TOP3A: variants seen among roughly 807,000 people sequenced by gnomAD.
TOP3A encodes the protein DNA topoisomerase III alpha, also known as DNA topoisomerase 3-alpha.
A neutral mutation model predicts 111.3 loss-of-function variants in TOP3A; 64 were observed. The observed-to-expected ratio is 0.57, with a 90% CI of 0.47 to 0.71. TOP3A has a LOEUF of 0.71. TOP3A is among the 30% of genes least tolerant of loss of function. TOP3A has a pLI of 0.00. For missense variants in TOP3A, 1,104 were observed against 1,285.0 expected (o/e 0.86, Z 2.15); for synonymous variants, 484 against 485.1 (o/e 1.00, Z 0.03).
rs1191373935 is a variant in TOP3A at position 18,273,146 on chromosome 17, AAC to A, written c.*1654_*1655del. ...AAAATCCTCCCCAATACCCCATCAG[AAC>A]ACAGAGCCACTGGTCTATGGGCCAG... On this transcript the variant is annotated 3_prime_UTR_variant, in exon 19 of 19. Coordinates refer to ENST00000321105, the MANE Select transcript of TOP3A (RefSeq NM_004618.5). The A allele has an allele frequency of 6.6e-6, 1 of 152,202 alleles. No individual in the cohort carries two copies. Among genetic ancestry groups the A allele is most frequent in the Non-Finnish European group, 1.5e-5 (1 of 68,042 alleles). The allele number at this position is 152,202 out of a possible 1,614,324, so 9.4% of individuals were successfully genotyped here.
chr17:18,276,226 G>T (rs959286010), intron 18 of TOP3A, among the ~76,000 whole-genome samples: 1 of 152,106 alleles, frequency 6.6e-6, no homozygotes, highest in Non-Finnish European at 1.5e-5. Flanking sequence ...GGCAACCTGC[G>T]GCCCACCTCC....
intron 18 of TOP3A, among the ~76,000 whole-genome samples, chr17:18,276,964 T>A (rs973425127): frequency 5.3e-5 from 8 of 152,076 alleles, no homozygotes; most frequent in African/African-American, 1.9e-4. Context: ...GGCAGGTGGA[T>A]CACCTGAGGT....
chr17:18,281,364 A>T (rs1979746125), intron 16 of TOP3A, among the ~76,000 whole-genome samples: 1 of 152,206 alleles, frequency 6.6e-6, no homozygotes, highest in Non-Finnish European at 1.5e-5. Context: ...ATCCCACAAG[A>T]TAATCTCCTG....
intron 9 of TOP3A, among the ~76,000 whole-genome samples, chr17:18,295,738 C>T (rs974615412): frequency 3.3e-5 from 5 of 150,884 alleles, no homozygotes; most frequent in Non-Finnish European, 5.9e-5. Flanking sequence ...TGATTACAGG[C>T]GTGAGCCACC....
chr17:18,302,619 C>G lies in TOP3A; in HGVS notation c.604G>C (p.Asp202His), dbSNP rs117856165. The G allele has an allele frequency of 3.1e-6, 5 of 1,614,206 alleles. No homozygotes were observed. Among genetic ancestry groups the G allele is most frequent in the African/African-American group, 1.3e-5 (1 of 75,064 alleles). The change falls in exon 6 of 19, where the codon GAT becomes CAT. Residue 202 changes from aspartate to histidine, a missense_variant. By Grantham distance (81) the Asp-to-His change is moderately conservative. Coordinates refer to ENST00000321105, the MANE Select transcript of TOP3A (RefSeq NM_004618.5). The part of the protein sequence containing the change: ...NLTEPDQRVS[D>H]AVDVRQELDL... The stretch of plus-strand genomic sequence containing the variant: ...AGCTCCTGCCTCACATCCACAGCAT[C>G]GCTCACCCTCTGATCAGGCTCGGTC...
chr17:18,293,877 G>A (rs1400731749), intron 10 of TOP3A, among the ~76,000 whole-genome samples: 1 of 152,342 alleles, frequency 6.6e-6, no homozygotes, highest in African/African-American at 2.4e-5. Context: ...TTACAGGCGT[G>A]AGCCACCACG....
Position 18,282,951 on chromosome 17 carries a change from T to G in TOP3A, c.1878-110A>C. On this transcript the variant is annotated intron_variant, in intron 15 of 18. Transcript: ENST00000321105. The stretch of plus-strand genomic sequence containing the variant: ...GTGACCTTGAGAACCAGCTGGTCAG[T>G]GAGCCGCAGGCCTCCTGCAGAGAAC... 2.1e-6 allele frequency: 3 copies of G among 1,414,282 alleles called. No homozygotes were observed. The South Asian group carries it at 3.9e-5, about 18-fold the overall frequency. The allele number at this position is 1,414,282 out of a possible 1,614,324, so 87.6% of individuals were successfully genotyped here. A position where few individuals can be genotyped will look rare whatever the true frequency, so the allele number is the denominator to read the frequency against.
At chr17:18,301,204 A>G (rs910609456) in intron 8 of TOP3A, among the ~76,000 whole-genome samples, 1 of 152,198 alleles carries the variant, frequency 6.6e-6, no homozygotes, top group African/African-American at 2.4e-5. Context: ...CCAGGCTGTT[A>G]TGTGCTAATA....
chr17:18,290,843 T>C lies in TOP3A; in HGVS notation c.1466A>G (p.Lys489Arg), dbSNP rs1448344247. 7 of 1,613,766 alleles carry C rather than the reference T, an allele frequency of 4.3e-6. No individual in the cohort carries two copies. The African/African-American group carries it at 8.0e-5, about 18-fold the overall frequency. Residue 489 changes from lysine to arginine, a missense_variant and splice_region_variant, in exon 12 of 19, where the codon AAG becomes AGG. Lys to Arg is a conservative substitution (Grantham distance 26). Coordinates refer to ENST00000321105, the MANE Select transcript of TOP3A (RefSeq NM_004618.5). The stretch of plus-strand genomic sequence containing the variant: ...TCACTGGGGACCACTCTTTATTACC[T>C]TGTCACTCCAGTGATCATATGGATA... ...DVYPYDHWSD[K>R]ILPVYEQGSH...
At position 18,298,683 on chromosome 17, in the gene TOP3A, G is replaced by A. The variant is rs574229929; in HGVS notation, c.990+876C>T. ...TCTGTGTAGAAAGAGGTAGACGTGG[G>A]AGACTTTTCATTTTGTTCTGTACTA... On this transcript the variant is annotated intron_variant, in intron 9 of 18. Transcript: ENST00000321105. Among the ~76,000 whole-genome samples, 380 of 151,906 alleles carry A rather than the reference G, an allele frequency of 2.5e-3. 2 individuals carry two copies. The highest frequency in any genetic ancestry group is 8.5e-3 in the African/African-American group (354 of 41,418).
chr17:18,291,357 A>G (rs917456109), intron 11 of TOP3A, among the ~76,000 whole-genome samples: 4 of 152,272 alleles, frequency 2.6e-5, no homozygotes, highest in African/African-American at 9.6e-5. Context: ...TACAAGAGAC[A>G]GCAACATTGC....
Position 18,292,635 on chromosome 17 carries a change from G to A in TOP3A, c.1281+10C>T. On this transcript the variant is annotated intron_variant, in intron 11 of 18. Transcript: ENST00000321105. ...GGGTTCCAGCAGGCAGTACATTCAG[G>A]GAAACCAACCTGTAAGTTGTTGGTG... 6.5e-7 allele frequency: 1 copy of A among 1,543,712 alleles called. No homozygotes were observed. Among genetic ancestry groups the A allele is most frequent in the Non-Finnish European group, 8.8e-7 (1 of 1,140,562 alleles).
At chr17:18,279,651 A>G in intron 17 of TOP3A, among the ~76,000 whole-genome samples, 1 of 151,832 alleles carries the variant, frequency 6.6e-6, no homozygotes, top group Non-Finnish European at 1.5e-5. Context: ...GGCCTCCCAA[A>G]ATGCTGGGAT....
chr17:18,290,782 G>C (rs1418706138), intron 12 of TOP3A, 60 bp downstream of exon 12: 9 of 1,595,278 alleles, frequency 5.6e-6, no homozygotes, highest in East Asian at 2.2e-5. Flanking sequence ...TGCTCCACTA[G>C]AGAACTCAGG....
intron 15 of TOP3A, among the ~76,000 whole-genome samples, chr17:18,284,329 T>C (rs1322164545): frequency 6.6e-6 from 1 of 152,106 alleles, no homozygotes; most frequent in Non-Finnish European, 1.5e-5. Flanking sequence ...GGGGATTTTA[T>C]GGAGGATTTA....
Position 18,278,050 on chromosome 17 carries a change from C to T in TOP3A, c.2452G>A (p.Glu818Lys). The T allele has an allele frequency of 6.2e-7, 1 of 1,614,234 alleles. No individual in the cohort carries two copies. Among genetic ancestry groups the T allele is most frequent in the Non-Finnish European group, 8.5e-7 (1 of 1,180,054 alleles). Reference protein sequence around the residue: ...SNSVTCNCGQEAVLLTVRKEG... With the variant: ...SNSVTCNCGQKAVLLTVRKEG... ...TTACGGACAGTGAGCAGCACAGCCT[C>T]CTGGCCACAGTTGCAGGTCACAGAA... Residue 818 changes from glutamate (E) to lysine (K), a missense_variant, in exon 18 of 19, where the codon GAG becomes AAG. Physicochemically the swap from Glu to Lys is moderately conservative, Grantham distance 56. Coordinates refer to ENST00000321105, the MANE Select transcript of TOP3A (RefSeq NM_004618.5).
At chr17:18,312,495 T>G (rs1981973886) in intron 1 of TOP3A, 1 of 158,884 alleles carries the variant, frequency 6.3e-6, no homozygotes, top group South Asian at 1.9e-4. Context: ...AAGGTTAACT[T>G]TCTGGTAGAC....
Position 18,285,573 on chromosome 17 carries a change from G to A in TOP3A, c.1598-53C>T, listed in dbSNP as rs148409602. On this transcript the variant is annotated intron_variant, in intron 13 of 18. Transcript: ENST00000321105. ...GGTAATACAGACAACAGCTCCACCC[G>A]GGTGGCGCATGGGCACCTTGCTCAC... 53 of 1,535,160 alleles carry A rather than the reference G, an allele frequency of 3.5e-5. 1 individual carries two copies. The Admixed American group carries it at 3.9e-4, about 11-fold the overall frequency.
intron 9 of TOP3A, among the ~76,000 whole-genome samples, chr17:18,296,167 C>T (rs1980790398): frequency 6.6e-6 from 1 of 152,194 alleles, no homozygotes; most frequent in Admixed American, 6.5e-5. Context: ...GTAAATTCTC[C>T]TGGAGGGTGA....
Sources: allele counts gnomAD v4.1 joint callset (sites outside exome capture counted in the v4.1 genomes callset), GRCh38; gene constraint gnomAD v4.1.1; transcripts MANE v1.5; gene names NCBI Gene and HGNC (gene_info 2026-07-23, HGNC 2026-07-21).